The following ATAD3B variants were observed in gnomAD, a reference collection of about 807,000 sequenced individuals.
The protein encoded by ATAD3B is ATPase family AAA domain-containing protein 3B.
ATAD3B carries 59 observed loss-of-function variants against 70.2 expected under a neutral mutation model. The observed-to-expected ratio is 0.84, with a 90% CI of 0.68 to 1.04. The LOEUF is 1.04. Among genes scored for constraint, ATAD3B ranks in the 50% least tolerant of loss-of-function variants. The probability of loss-of-function intolerance (pLI) is 0.00; values close to 1 mark genes in which losing one functional copy is unlikely to be tolerated. For synonymous variants in ATAD3B, 423 were observed against 388.6 expected (o/e 1.09, Z -1.04); for missense variants, 961 against 913.4 (o/e 1.05, Z -0.67).
At position 1,496,071 on chromosome 1, in the gene ATAD3B, CCCTGCTT is replaced by C; in HGVS notation, c.*257_*263del. 1 of 1,242,760 alleles carries C rather than the reference CCCTGCTT, an allele frequency of 8.0e-7. No homozygotes were observed. Among genetic ancestry groups the C allele is most frequent in the Non-Finnish European group, 1.0e-6 (1 of 989,812 alleles). 77.0% of individuals were successfully genotyped at this position (1,242,760 alleles called of 1,614,324 possible). ...CTAGACAGAAGTGGGGCGGCCTGAA[CCCTGCTT>C]CCAGCCATGGCCAGGGGCCACGGAA... On this transcript the variant is annotated 3_prime_UTR_variant, in exon 16 of 16. Transcript: ENST00000673477.
At position 1,485,780 on chromosome 1, in the gene ATAD3B, A is replaced by T. The variant is rs546519528; in HGVS notation, c.907-2A>T. On this transcript the variant is annotated splice_acceptor_variant, in intron 8 of 15. Transcript: ENST00000673477. LOFTEE classifies it high-confidence loss of function. ...ATGGTGCTTCCCCTTCCCCTCCGGC[A>T]GGTCAGCCGGCGGCTCCTCAGTCGA... 2 of 1,612,670 alleles carry T rather than the reference A, an allele frequency of 1.2e-6. No individual in the cohort carries two copies. Among genetic ancestry groups the T allele is most frequent in the African/African-American group, 2.7e-5 (2 of 74,788 alleles).
intron 12 of ATAD3B, 74 bp from the exon 13 acceptor site, chr1:1,489,130 C>T (rs1313112853): frequency 1.2e-5 from 19 of 1,606,898 alleles, no homozygotes; most frequent in African/African-American, 2.7e-5. Flanking sequence ...GGAGGGAGGC[C>T]TGTGGGACTT....
At chr1:1,482,482 T>C in intron 6 of ATAD3B, 63 bp from the exon 7 acceptor site, 1 of 1,612,378 alleles carries the variant, frequency 6.2e-7, no homozygotes. Context: ...ACCCTCAACC[T>C]GCTCTCGCTG....
At chr1:1,484,709 G>A in intron 7 of ATAD3B, 1 of 518,058 alleles carries the variant, frequency 1.9e-6, no homozygotes, top group Non-Finnish European at 3.3e-6. Flanking sequence ...GTACCAGAGG[G>A]TGTGGCCCTG....
the ATAD3B span, among the ~76,000 whole-genome samples, chr1:1,503,933 T>G: frequency 1.3e-5 from 2 of 152,134 alleles, no homozygotes; most frequent in African/African-American, 4.8e-5. Flanking sequence ...ACCTCATTTC[T>G]TTTCACTCAG....
intron 1 of ATAD3B, among the ~76,000 whole-genome samples, chr1:1,476,931 C>G (rs113763530): frequency 0.011 from 1,720 of 152,140 alleles, 50 homozygotes; most frequent in African/African-American, 0.04. Flanking sequence ...CTTGGCCTCC[C>G]CAGTAGCTGA....
chr1:1,472,767 C>T (rs1420168299), intron 1 of ATAD3B, among the ~76,000 whole-genome samples: 1 of 152,012 alleles, frequency 6.6e-6, no homozygotes, highest in African/African-American at 2.4e-5. Flanking sequence ...GAGTCTGGAA[C>T]GTAGAAGGTG....
rs1640133301 is a variant in ATAD3B at position 1,485,108 on chromosome 1, G to A, written c.843G>A (p.Lys281=). ...GCTTCATCGAGGCTCGGCTGGGGAA[G>A]CCGTCCCTAGTGAGGGAGACGTCCC... ...TGRFIEARLG[K]PSLVRETSRI... is the part of the protein sequence containing the mutation. Residue 281 remains lysine (K), a synonymous_variant, in exon 8 of 16, where the codon AAG becomes AAA. Coordinates refer to ENST00000673477, the MANE Select transcript of ATAD3B (RefSeq NM_031921.6). 6.2e-7 allele frequency: 1 copy of A among 1,610,184 alleles called. No individual in the cohort carries two copies. The highest frequency in any genetic ancestry group is 1.3e-5 in the African/African-American group (1 of 74,866).
rs1474230204 is a variant in ATAD3B at position 1,496,182 on chromosome 1, T to TA, written c.*368dup. 2.9e-6 allele frequency: 3 copies of TA among 1,033,022 alleles called. No individual in the cohort carries two copies. In the East Asian group the frequency reaches 2.5e-4, roughly 85 times the overall value. The allele number at this position is 1,033,022 out of a possible 1,614,324, so 64.0% of individuals were successfully genotyped here. A position where few individuals can be genotyped will look rare whatever the true frequency, so the allele number is the denominator to read the frequency against. ...CTGGAGCTGGTGTGTGTTTATCTAA[T>TA]AAAGTCCCACAGGTGCCTCACCGCC... On this transcript the variant is annotated 3_prime_UTR_variant, in exon 16 of 16. Coordinates refer to ENST00000673477, the MANE Select transcript of ATAD3B (RefSeq NM_031921.6).
intron 7 of ATAD3B, 156 bp downstream of exon 7, chr1:1,482,770 C>T (rs1156435628): frequency 4.9e-6 from 6 of 1,236,656 alleles, no homozygotes; most frequent in Non-Finnish European, 6.9e-6. Flanking sequence ...CTCGGCTGCT[C>T]CTCCCTCCTT....
Position 1,489,295 on chromosome 1 carries a change from C to T in ATAD3B, c.1337+21C>T. On this transcript the variant is annotated intron_variant, in intron 13 of 15. Coordinates refer to ENST00000673477, the MANE Select transcript of ATAD3B (RefSeq NM_031921.6). ...AACAAGTGAGGGAGCCCCTCGGGTCCTGAGCCCCCGGGCAGGGCTGTGCAG... is the reference window on the plus strand; with the variant it reads ...AACAAGTGAGGGAGCCCCTCGGGTCTTGAGCCCCCGGGCAGGGCTGTGCAG... 9.3e-6 allele frequency: 15 copies of T among 1,613,272 alleles called. 1 individual carries two copies. The Admixed American group carries it at 1.2e-4, about 13-fold the overall frequency.
the ATAD3B span, among the ~76,000 whole-genome samples, chr1:1,505,126 C>A: frequency 6.6e-6 from 1 of 152,032 alleles, no homozygotes; most frequent in Non-Finnish European, 1.5e-5. Flanking sequence ...TGCCAGGCTG[C>A]GCTGTTATTT....
the ATAD3B span, among the ~76,000 whole-genome samples, chr1:1,507,932 G>T: frequency 6.6e-6 from 1 of 152,212 alleles, no homozygotes; most frequent in Non-Finnish European, 1.5e-5. Flanking sequence ...GGCCCCACCC[G>T]CGACTGGGTC....
rs140640172 is a variant in ATAD3B at position 1,488,631 on chromosome 1, C to T, written c.1267-573C>T. 2.7e-3 allele frequency among the ~76,000 whole-genome samples: 405 copies of T among 151,994 alleles called. 3 individuals are homozygous for T. Among genetic ancestry groups the T allele is most frequent in the East Asian group, 0.015 (75 of 5,164 alleles). On this transcript the variant is annotated intron_variant, in intron 12 of 15. Coordinates refer to ENST00000673477, the MANE Select transcript of ATAD3B (RefSeq NM_031921.6). ...AAAATTAGCCGGGCGTCGTGGGGCA[C>T]GCATGTAATCCCAGCTGCTCAGGAT...
the ATAD3B span, chr1:1,509,272 C>G: frequency 6.2e-7 from 1 of 1,612,934 alleles, no homozygotes; most frequent in Admixed American, 1.7e-5. Context: ...GTGCAAGATG[C>G]TGTCCAGCAG....
chr1:1,487,108 G>A (rs1325339048), intron 11 of ATAD3B, among the ~76,000 whole-genome samples: 1 of 152,096 alleles, frequency 6.6e-6, no homozygotes, highest in Non-Finnish European at 1.5e-5. Flanking sequence ...CACAGCCCGG[G>A]CACCCTTGTG....
the ATAD3B span, among the ~76,000 whole-genome samples, chr1:1,505,170 T>C: frequency 0.052 from 7,923 of 151,222 alleles, 643 homozygotes; most frequent in African/African-American, 0.18. Flanking sequence ...GGATAAGGAG[T>C]GTGAGCCATC....
the ATAD3B span, among the ~76,000 whole-genome samples, chr1:1,505,275 G>A: frequency 6.6e-6 from 1 of 152,144 alleles, no homozygotes; most frequent in African/African-American, 2.4e-5. Context: ...GGGAGGGAGA[G>A]AGAGAGACAG....
chr1:1,478,362 G>T, intron 2 of ATAD3B: 7 of 1,417,158 alleles, frequency 4.9e-6, no homozygotes, highest in Non-Finnish European at 6.6e-6. Context: ...GTGAGCACCT[G>T]CCTGGAGCTG....
Sources: gnomAD v4.1 joint callset for allele counts (sites outside exome capture counted in the v4.1 genomes callset) on GRCh38, gnomAD v4.1.1 for gene constraint, MANE v1.5 for transcripts, NCBI Gene and HGNC (gene_info 2026-07-23, HGNC 2026-07-21) for gene names.